Variants in GPR158 observed in about 807,000 individuals in gnomAD.
The protein encoded by GPR158 is metabotropic glycine receptor.
Under a neutral mutation model 78.2 loss-of-function variants are expected in GPR158, and 30 were observed. The ratio of observed to expected loss-of-function variants is 0.38; its 90% CI spans 0.29 to 0.52. GPR158 has a LOEUF of 0.52. Among genes scored for constraint, GPR158 ranks in the 20% least tolerant of loss-of-function variants. The pLI, the probability that GPR158 is intolerant of heterozygous loss-of-function variation, is 0.83. For missense variants in GPR158, 1,463 were observed against 1,523.5 expected (o/e 0.96, Z 0.66); for synonymous variants, 581 against 591.1 (o/e 0.98, Z 0.25).
intron 2 of GPR158, among the ~76,000 whole-genome samples, chr10:25,271,934 C>G (rs1037738182): frequency 6.6e-6 from 1 of 152,184 alleles, no homozygotes; most frequent in Non-Finnish European, 1.5e-5. Flanking sequence ...GCCACTGCCT[C>G]TGGCCACAAT....
intron 2 of GPR158, among the ~76,000 whole-genome samples, chr10:25,305,411 C>CA (rs1202333198): frequency 1.3e-5 from 2 of 152,152 alleles, no homozygotes; most frequent in Non-Finnish European, 2.9e-5. Context: ...CAGGAAAACT[C>CA]AAAGTGTGGA....
At chr10:25,367,541 A>G (rs1243298420) in intron 2 of GPR158, among the ~76,000 whole-genome samples, 2 of 151,832 alleles carry the variant, frequency 1.3e-5, no homozygotes, top group East Asian at 1.9e-4. Flanking sequence ...GGAAGTTATT[A>G]TAGCCATAGA....
intron 2 of GPR158, among the ~76,000 whole-genome samples, chr10:25,287,689 T>A (rs1244947726): frequency 6.6e-6 from 1 of 152,172 alleles, no homozygotes; most frequent in Non-Finnish European, 1.5e-5. Flanking sequence ...ATATATCTTG[T>A]CTGTCCTTGC....
chr10:25,227,398 C>A (rs2791324), intron 2 of GPR158, among the ~76,000 whole-genome samples: 1 of 152,170 alleles, frequency 6.6e-6, no homozygotes, highest in East Asian at 1.9e-4. Context: ...TCTTTCCCTG[C>A]GTACAGTTTC....
intron 2 of GPR158, among the ~76,000 whole-genome samples, chr10:25,341,924 G>C (rs2130507365): frequency 6.6e-6 from 1 of 151,536 alleles, no homozygotes; most frequent in East Asian, 1.9e-4. Context: ...TCACCACCTT[G>C]CCACTTCCCC....
At chr10:25,205,919 G>A (rs1209819186) in intron 1 of GPR158, among the ~76,000 whole-genome samples, 1 of 151,740 alleles carries the variant, frequency 6.6e-6, no homozygotes, top group Admixed American at 6.6e-5. Context: ...TTTTTAGGTG[G>A]AGAGTTCTAT....
At chr10:25,478,282 T>C (rs1209189704) in intron 5 of GPR158, among the ~76,000 whole-genome samples, 1 of 152,172 alleles carries the variant, frequency 6.6e-6, no homozygotes, top group Non-Finnish European at 1.5e-5. Flanking sequence ...AGTAAACACC[T>C]ATTAGAAAAT....
chr10:25,572,799 G>A lies in GPR158; in HGVS notation c.1665G>A (p.Gln555=). The change falls in exon 7 of 11, where the codon CAG becomes CAA. Residue 555 remains glutamine, a synonymous_variant. Coordinates refer to ENST00000376351, the MANE Select transcript of GPR158 (RefSeq NM_020752.3). ...TSSVCQNLEK[Q]ISLIGQGKTS... ...CTGTGTGCCAGAATTTGGAGAAACA[G>A]ATTTCACTTATTGGCCAGGGGAAAA... The A allele has an allele frequency of 1.2e-6, 2 of 1,613,980 alleles. No homozygotes were observed. Among genetic ancestry groups the A allele is most frequent in the Non-Finnish European group, 1.7e-6 (2 of 1,179,872 alleles).
chr10:25,415,304 A>G (rs1390871603), intron 4 of GPR158, among the ~76,000 whole-genome samples: 1 of 152,144 alleles, frequency 6.6e-6, no homozygotes, highest in Non-Finnish European at 1.5e-5. Context: ...TATAAAGGAC[A>G]CATAACTAAT....
At chr10:25,537,379 T>C (rs780223124) in intron 5 of GPR158, among the ~76,000 whole-genome samples, 3 of 152,186 alleles carry the variant, frequency 2.0e-5, no homozygotes, top group Non-Finnish European at 4.4e-5. Context: ...ATAAATATGT[T>C]ATTTACCATT....
At chr10:25,478,517 T>TA (rs1835619504) in intron 5 of GPR158, among the ~76,000 whole-genome samples, 2 of 151,544 alleles carry the variant, frequency 1.3e-5, no homozygotes, top group Admixed American at 6.6e-5. Flanking sequence ...TGTGTGTGTG[T>TA]GTGTGTGTGT....
chr10:25,299,905 C>A (rs1420574396), intron 2 of GPR158, among the ~76,000 whole-genome samples: 1 of 152,112 alleles, frequency 6.6e-6, no homozygotes, highest in African/African-American at 2.4e-5. Flanking sequence ...CAGCTCACTG[C>A]AACCTCTACC....
At chr10:25,328,718 G>C (rs893401320) in intron 2 of GPR158, among the ~76,000 whole-genome samples, 22 of 151,846 alleles carry the variant, frequency 1.4e-4, no homozygotes, top group Non-Finnish European at 4.4e-5. Flanking sequence ...CCTGAGGTCA[G>C]GGGTTCAAGA....
At chr10:25,274,838 T>C (rs1854162776) in intron 2 of GPR158, among the ~76,000 whole-genome samples, 1 of 152,242 alleles carries the variant, frequency 6.6e-6, no homozygotes, top group Non-Finnish European at 1.5e-5. Flanking sequence ...GTTGTAAATA[T>C]AAATTTCTCT....
chr10:25,323,343 C>T (rs962732249), intron 2 of GPR158, among the ~76,000 whole-genome samples: 4 of 152,032 alleles, frequency 2.6e-5, no homozygotes, highest in Non-Finnish European at 4.4e-5. Context: ...TCAAAGTCAC[C>T]AGCTGCATTA....
chr10:25,420,023 G>A (rs1216309058), intron 4 of GPR158, among the ~76,000 whole-genome samples: 1 of 151,928 alleles, frequency 6.6e-6, no homozygotes, highest in Non-Finnish European at 1.5e-5. Flanking sequence ...TTTCATTGTT[G>A]AGTTGTAGGA....
chr10:25,438,526 C>A (rs963822765), intron 4 of GPR158, among the ~76,000 whole-genome samples: 7 of 152,094 alleles, frequency 4.6e-5, no homozygotes, highest in Admixed American at 4.6e-4. Flanking sequence ...ATATGTGTGA[C>A]CATTAATTAA....
chr10:25,281,369 G>A (rs113010329), intron 2 of GPR158, among the ~76,000 whole-genome samples: 6,870 of 146,596 alleles, frequency 0.047, 549 homozygotes, highest in African/African-American at 0.16. Flanking sequence ...TTTGAGACCA[G>A]CCTGGGCAAC....
chr10:25,370,863 A>G (rs531092812), intron 2 of GPR158, among the ~76,000 whole-genome samples: 6 of 151,804 alleles, frequency 4.0e-5, no homozygotes, highest in East Asian at 1.9e-4. Flanking sequence ...TGTATTGGGT[A>G]CATATATATT....
Sources: allele counts gnomAD v4.1 joint callset (sites outside exome capture counted in the v4.1 genomes callset), GRCh38; gene constraint gnomAD v4.1.1; transcripts MANE v1.5; gene names NCBI Gene and HGNC (gene_info 2026-07-23, HGNC 2026-07-21).